Variants in ZNF845 observed in about 807,000 individuals in gnomAD.
ZNF845 encodes the protein zinc finger protein 845.
A neutral mutation model predicts 76.1 loss-of-function variants in ZNF845; 59 were observed. That is an observed-to-expected ratio of 0.78 (90% CI 0.63 to 0.96). The LOEUF (loss-of-function observed/expected upper bound fraction) is 0.96, where lower values mean the gene tolerates loss of function less well. Ranked by LOEUF, ZNF845 falls within the 40% of genes least tolerant of loss-of-function variation. The probability of loss-of-function intolerance (pLI) is 0.00; values close to 1 mark genes in which losing one functional copy is unlikely to be tolerated. For missense variants in ZNF845, 1,045 were observed against 1,172.8 expected, an observed-to-expected ratio of 0.89 and a Z score of 1.59; for synonymous variants, 361 against 386.9, an observed-to-expected ratio of 0.93 and a Z score of 0.78.
rs560878306 is a variant in ZNF845 at position 53,341,173 on chromosome 19, AT to A, written c.-73-60del. 348 of 1,370,182 alleles carry A rather than the reference AT, an allele frequency of 2.5e-4. 4 individuals are homozygous for A. In the East Asian group the frequency reaches 7.5e-3, roughly 30 times the overall value. The allele number at this position is 1,370,182 out of a possible 1,614,324, so 84.9% of individuals were successfully genotyped here. A position where few individuals can be genotyped will look rare whatever the true frequency, so the allele number is the denominator to read the frequency against. On this transcript the variant is annotated intron_variant, in intron 1 of 3. Coordinates refer to ENST00000458035, the MANE Select transcript of ZNF845 (RefSeq NM_138374.3). ...GGGTGAGGTCTCCTTTGTATGTTTC[AT>A]TGTGTTAACGGAGGGGGTGTGTTGA...
Position 53,353,479 on chromosome 19 carries a change from C to T in ZNF845, c.2804C>T (p.Thr935Ile). 1 of 1,612,938 alleles carries T rather than the reference C, an allele frequency of 6.2e-7. No individual in the cohort carries two copies. The highest frequency in any genetic ancestry group is 8.5e-7 in the Non-Finnish European group (1 of 1,179,692). ...RHNSVLVIHK[T>I]IHTGEKPYKC... Reference sequence around the variant, plus strand: ...AATTCAGTCCTTGTAATTCATAAGACAATTCATACTGGAGAGAAACCTTAC... The same window carrying T: ...AATTCAGTCCTTGTAATTCATAAGATAATTCATACTGGAGAGAAACCTTAC... The change falls in exon 4 of 4, where the codon ACA (threonine) becomes ATA (isoleucine). Residue 935 changes from threonine (T) to isoleucine (I), a missense_variant. Transcript: ENST00000458035.
rs200910676 is a variant in ZNF845 at position 53,351,712 on chromosome 19, G to A, written c.1037G>A (p.Arg346His). 3.5e-4 allele frequency: 569 copies of A among 1,614,018 alleles called. 1 individual carries two copies. The East Asian group carries it at 3.9e-3, about 11-fold the overall frequency. Residue 346 changes from arginine (R) to histidine (H), a missense_variant, in exon 4 of 4, where the codon CGT (arginine) becomes CAT (histidine). Physicochemically the swap from Arg to His is conservative, Grantham distance 29. Transcript: ENST00000458035. Reference protein sequence around the residue: ...FSQTSYLVYHRRLHTGEKPYK... With the variant: ...FSQTSYLVYHHRLHTGEKPYK... ...CAAACGTCATACCTTGTGTACCATC[G>A]TAGACTTCATACTGGAGAGAAACCT...
rs1193808635 is a variant in ZNF845 at position 53,354,379 on chromosome 19, A to G, written c.*791A>G. The G allele has an allele frequency of 1.1e-4, 35 of 312,778 alleles. No homozygotes were observed. Among genetic ancestry groups the G allele is most frequent in the Middle Eastern group, 1.3e-3 (2 of 1,576 alleles). The allele number at this position is 312,778 out of a possible 1,614,324, so 19.4% of individuals were successfully genotyped here. On this transcript the variant is annotated 3_prime_UTR_variant, in exon 4 of 4. Coordinates refer to ENST00000458035, the MANE Select transcript of ZNF845 (RefSeq NM_138374.3). ...TAATTGACATTAAAGTGTTTATGTT[A>G]AGAAGATTGGGCCAGGCGGGGTGGC... is the stretch of plus-strand genomic sequence containing the variant.
chr19:53,337,656 C>T (rs537035248), intron 1 of ZNF845, among the ~76,000 whole-genome samples: 2 of 152,228 alleles, frequency 1.3e-5, no homozygotes, highest in South Asian at 2.1e-4. Flanking sequence ...GCAACCTCCT[C>T]CTCCCGGGTT....
intron 1 of ZNF845, among the ~76,000 whole-genome samples, chr19:53,337,481 A>G (rs1242303197): frequency 6.6e-6 from 1 of 152,106 alleles, no homozygotes; most frequent in Non-Finnish European, 1.5e-5. Context: ...TCTAGGTTCA[A>G]GCAATTCTTC....
intron 1 of ZNF845, among the ~76,000 whole-genome samples, chr19:53,335,614 G>T (rs1454721674): frequency 6.9e-6 from 1 of 145,784 alleles, no homozygotes; most frequent in African/African-American, 2.5e-5. Flanking sequence ...TTTTGTTTTT[G>T]TTTTTTTGAG....
intron 1 of ZNF845, chr19:53,340,881 T>A (rs901854409): frequency 7.8e-6 from 3 of 382,200 alleles, no homozygotes; most frequent in Non-Finnish European, 4.7e-6. Flanking sequence ...AAGGCGTTCA[T>A]GTGGGCTGTC....
Position 53,342,967 on chromosome 19 carries a change from T to C in ZNF845, c.15+1645T>C, listed in dbSNP as rs891244740. ...CCGAGTAGGTGACATTACAGGTGCC[T>C]GCCACCACTCCTGGCTAGTTTTTGT... is the stretch of plus-strand genomic sequence containing the variant. On this transcript the variant is annotated intron_variant, in intron 2 of 3. Coordinates refer to ENST00000458035, the MANE Select transcript of ZNF845 (RefSeq NM_138374.3). Among the ~76,000 whole-genome samples the C allele has an allele frequency of 5.3e-5, 8 of 152,190 alleles. No individual in the cohort carries two copies. In the East Asian group the frequency reaches 1.5e-3, roughly 29 times the overall value.
chr19:53,334,228 T>C (rs1481755095), intron 1 of ZNF845, among the ~76,000 whole-genome samples: 10 of 152,118 alleles, frequency 6.6e-5, no homozygotes, highest in Non-Finnish European at 1.5e-4. Context: ...TGAGCCCGCG[T>C]TGGGGAGGTG....
Position 53,353,645 on chromosome 19 carries a change from G to T in ZNF845, c.*57G>T. ...GTAAATCAAGTCTTGAAAGACAGGA[G>T]AATTCATACTGGAGAGAAAGCTTAC... On this transcript the variant is annotated 3_prime_UTR_variant, in exon 4 of 4. Transcript: ENST00000458035. 6.6e-7 allele frequency: 1 copy of T among 1,525,568 alleles called. No homozygotes were observed. Among genetic ancestry groups the T allele is most frequent in the Admixed American group, 2.2e-5 (1 of 45,868 alleles). The allele number at this position is 1,525,568 out of a possible 1,614,324, so 94.5% of individuals were successfully genotyped here.
At chr19:53,342,752 A>G (rs1257159788) in intron 2 of ZNF845, among the ~76,000 whole-genome samples, 1 of 152,200 alleles carries the variant, frequency 6.6e-6, no homozygotes, top group Non-Finnish European at 1.5e-5. Flanking sequence ...AAGTAGGGTC[A>G]TCAGGGTTTG....
Position 53,353,282 on chromosome 19 carries a change from T to G in ZNF845, c.2607T>G (p.Asn869Lys). The change falls in exon 4 of 4, where the codon AAT (asparagine) becomes AAG (lysine). Residue 869 changes from asparagine to lysine, a missense_variant. Coordinates refer to ENST00000458035, the MANE Select transcript of ZNF845 (RefSeq NM_138374.3). ...YKCSECGKVF[N>K]RKANLSRHHR... ...GTAGTGAATGTGGCAAGGTTTTTAA[T>G]AGAAAAGCAAACCTTTCACGTCATC... 6.2e-7 allele frequency: 1 copy of G among 1,613,796 alleles called. No individual in the cohort carries two copies. Among genetic ancestry groups the G allele is most frequent in the Non-Finnish European group, 8.5e-7 (1 of 1,179,816 alleles).
chr19:53,348,946 G>C (rs965851178), intron 3 of ZNF845, among the ~76,000 whole-genome samples: 1 of 131,158 alleles, frequency 7.6e-6, no homozygotes, highest in South Asian at 2.6e-4. Context: ...AACCTCCACC[G>C]CCTGGGTTCA....
At position 53,355,956 on chromosome 19, in the gene ZNF845, A is replaced by G. The variant is rs2085383239; in HGVS notation, c.*2368A>G. ...CCCATTGATTTGAGTATGTTGAACC[A>G]TCCTTGCATCCCATGAATAGGTAGC... On this transcript the variant is annotated 3_prime_UTR_variant, in exon 4 of 4. Transcript: ENST00000458035. The G allele has an allele frequency of 6.6e-6, 1 of 152,184 alleles. No individual in the cohort carries two copies. The allele number at this position is 152,184 out of a possible 1,614,324, so 9.4% of individuals were successfully genotyped here.
Position 53,353,946 on chromosome 19 carries a change from T to C in ZNF845, c.*358T>C. 1 of 667,704 alleles carries C rather than the reference T, an allele frequency of 1.5e-6. No individual in the cohort carries two copies. The highest frequency in any genetic ancestry group is 1.9e-5 in the South Asian group (1 of 53,676). 41.4% of individuals were successfully genotyped at this position (667,704 alleles called of 1,614,324 possible). ...AAGTGTAATAAATGTGGCAAATTTTTCAGACATTGTTCATACCTTGCAGTT... is the reference window on the plus strand; with the variant it reads ...AAGTGTAATAAATGTGGCAAATTTTCCAGACATTGTTCATACCTTGCAGTT... On this transcript the variant is annotated 3_prime_UTR_variant, in exon 4 of 4. Transcript: ENST00000458035.
chr19:53,350,944 T>C lies in ZNF845; in HGVS notation c.269T>C (p.Met90Thr), dbSNP rs372010580. 9.4e-5 allele frequency: 151 copies of C among 1,614,006 alleles called. No individual in the cohort carries two copies. The African/African-American group carries it at 1.8e-3, about 19-fold the overall frequency. The change falls in exon 4 of 4, where the codon ATG (methionine) becomes ACG (threonine). Residue 90 changes from methionine (M) to threonine (T), a missense_variant. Coordinates refer to ENST00000458035, the MANE Select transcript of ZNF845 (RefSeq NM_138374.3). ...HHIGDFCFQE[M>T]EKDIHDFEFQ... ...ATTGGAGATTTTTGCTTCCAGGAAA[T>C]GGAGAAAGATATTCATGATTTTGAG...
chr19:53,343,175 G>A (rs1352675901), intron 2 of ZNF845, among the ~76,000 whole-genome samples: 1 of 152,128 alleles, frequency 6.6e-6, no homozygotes, highest in Non-Finnish European at 1.5e-5. Context: ...CCCTCAAGTA[G>A]ACCCCAATGT....
At chr19:53,338,224 G>A (rs572708022) in intron 1 of ZNF845, among the ~76,000 whole-genome samples, 1 of 152,236 alleles carries the variant, frequency 6.6e-6, no homozygotes, top group East Asian at 1.9e-4. Context: ...ACTTCCTGTG[G>A]CTATTTATTT....
chr19:53,351,696 T>C lies in ZNF845; in HGVS notation c.1021T>C (p.Tyr341His), dbSNP rs773248866. The C allele has an allele frequency of 4.3e-6, 7 of 1,613,942 alleles. No individual in the cohort carries two copies. Among genetic ancestry groups the C allele is most frequent in the Non-Finnish European group, 5.9e-6 (7 of 1,179,940 alleles). ...ECGKTFSQTS[Y>H]LVYHRRLHTG... is the part of the protein sequence containing the mutation. ...TGGCAAGACCTTCAGTCAAACGTCA[T>C]ACCTTGTGTACCATCGTAGACTTCA... The change falls in exon 4 of 4, where the codon TAC becomes CAC. Residue 341 changes from tyrosine (Y) to histidine (H), a missense_variant. By Grantham distance (83) the Tyr-to-His change is moderately conservative (BLOSUM62 2). Coordinates refer to ENST00000458035, the MANE Select transcript of ZNF845 (RefSeq NM_138374.3).
Sources: allele counts gnomAD v4.1 joint callset (sites outside exome capture counted in the v4.1 genomes callset), GRCh38; gene constraint gnomAD v4.1.1; transcripts MANE v1.5; gene names NCBI Gene and HGNC (gene_info 2026-07-23, HGNC 2026-07-21).